ATP9B: variants seen among roughly 807,000 people sequenced by gnomAD.
ATP9B encodes ATPase phospholipid transporting 9B, also known as probable phospholipid-transporting ATPase IIB.
In ATP9B, 110 loss-of-function variants were observed where a neutral mutation model predicts 146.1. The ratio of observed to expected loss-of-function variants is 0.75; its 90% CI spans 0.65 to 0.88. ATP9B has a LOEUF of 0.88. Among genes scored for constraint, ATP9B ranks in the 40% least tolerant of loss-of-function variants. The probability of loss-of-function intolerance (pLI) is 0.00; values close to 1 mark genes in which losing one functional copy is unlikely to be tolerated. For missense variants in ATP9B, 1,499 were observed against 1,496.4 expected (o/e 1.00, Z -0.03); for synonymous variants, 604 against 569.7 (o/e 1.06, Z -0.86).
intron 1 of ATP9B, among the ~76,000 whole-genome samples, chr18:79,081,358 G>T (rs1251744607): frequency 1.3e-5 from 2 of 152,098 alleles, no homozygotes; most frequent in Admixed American, 6.5e-5. Context: ...GAGGGTATAT[G>T]TGTCCAGGAA....
At chr18:79,369,871 G>A (rs1230924639) in intron 26 of ATP9B, among the ~76,000 whole-genome samples, 2 of 152,226 alleles carry the variant, frequency 1.3e-5, no homozygotes, top group Non-Finnish European at 2.9e-5. Context: ...GGCCGAAGCA[G>A]ACAGATCACC....
chr18:79,138,774 TAAA>T (rs796077711), intron 5 of ATP9B, among the ~76,000 whole-genome samples: 2 of 139,736 alleles, frequency 1.4e-5, no homozygotes, highest in Admixed American at 7.2e-5. Flanking sequence ...GTTCTTACAT[TAAA>T]AAAAAAAAAA....
chr18:79,236,570 C>G (rs1040114686), intron 11 of ATP9B, among the ~76,000 whole-genome samples: 2 of 152,188 alleles, frequency 1.3e-5, no homozygotes, highest in African/African-American at 4.8e-5. Context: ...CTTTCTGTTA[C>G]ATTTCTAAAC....
intron 12 of ATP9B, among the ~76,000 whole-genome samples, chr18:79,261,269 T>C (rs1377305306): frequency 6.6e-6 from 1 of 152,166 alleles, no homozygotes; most frequent in East Asian, 1.9e-4. Context: ...CCCCAGAACA[T>C]GTGCCCATAT....
chr18:79,322,491 T>G lies in ATP9B; in HGVS notation c.1774-6650T>G, dbSNP rs187138591. Among the ~76,000 whole-genome samples, 466 of 152,300 alleles carry G rather than the reference T, an allele frequency of 3.1e-3. 6 individuals are homozygous for G. Among genetic ancestry groups the G allele is most frequent in the Non-Finnish European group, 9.0e-4 (61 of 68,016 alleles). On this transcript the variant is annotated intron_variant, in intron 15 of 29. Coordinates refer to ENST00000426216, the MANE Select transcript of ATP9B (RefSeq NM_198531.5). The stretch of plus-strand genomic sequence containing the variant: ...CAGTAGGAGAGGGTTCTGACCCGGA[T>G]TCCACCCCAGGCAGGGGCAGTGGGG...
At position 79,239,720 on chromosome 18, in the gene ATP9B, T is replaced by A. The variant is rs959756201; in HGVS notation, c.1108-13661T>A. ...TCTTTTATCATGTAAATTTCTTTCA[T>A]GTAAGTTACATGATAGTCCTTTAGG... On this transcript the variant is annotated intron_variant, in intron 11 of 29. Coordinates refer to ENST00000426216, the MANE Select transcript of ATP9B (RefSeq NM_198531.5). This position sits in a 1 kb window ranked among gnomAD's most constrained non-coding sequence, Gnocchi z 5.1. 1.3e-5 allele frequency among the ~76,000 whole-genome samples: 2 copies of A among 152,236 alleles called. No individual in the cohort carries two copies. The highest frequency in any genetic ancestry group is 4.8e-5 in the African/African-American group (2 of 41,454).
At chr18:79,192,024 T>C (rs997970878) in intron 8 of ATP9B, among the ~76,000 whole-genome samples, 1 of 152,162 alleles carries the variant, frequency 6.6e-6, no homozygotes, top group Non-Finnish European at 1.5e-5. Flanking sequence ...TTTCTGGCAT[T>C]AGGGAGCTGC....
intron 15 of ATP9B, among the ~76,000 whole-genome samples, chr18:79,328,035 C>T (rs1011010626): frequency 2.0e-4 from 28 of 141,980 alleles, no homozygotes; most frequent in African/African-American, 5.2e-4. Context: ...GCGTGCTCTC[C>T]GTGGTTAGCG....
At position 79,337,431 on chromosome 18, in the gene ATP9B, G is replaced by A. The variant is rs2096833711; in HGVS notation, c.2265G>A (p.Leu755=). ...QADVRPTLEM[L]RNAGIKIWML... Reference sequence around the variant, plus strand: ...ACGTGCGGCCCACGCTGGAGATGCTGCGCAACGCCGGGATCAAGGTACTGC... The same window carrying A: ...ACGTGCGGCCCACGCTGGAGATGCTACGCAACGCCGGGATCAAGGTACTGC... The change falls in exon 19 of 30, where the codon CTG becomes CTA. Residue 755 remains leucine (L), a synonymous_variant. Coordinates refer to ENST00000426216, the MANE Select transcript of ATP9B (RefSeq NM_198531.5). 3 of 1,611,786 alleles carry A rather than the reference G, an allele frequency of 1.9e-6. No homozygotes were observed. The highest frequency in any genetic ancestry group is 2.2e-5 in the South Asian group (2 of 91,028).
At chr18:79,233,047 T>C (rs2095806799) in intron 11 of ATP9B, among the ~76,000 whole-genome samples, 1 of 152,084 alleles carries the variant, frequency 6.6e-6, no homozygotes, top group Non-Finnish European at 1.5e-5. Context: ...ATCTCAGCAC[T>C]TTGGGAGTTC....
chr18:79,227,739 C>T (rs977417957), intron 11 of ATP9B, among the ~76,000 whole-genome samples: 1 of 152,188 alleles, frequency 6.6e-6, no homozygotes, highest in Non-Finnish European at 1.5e-5. Flanking sequence ...TGGGCTCCAG[C>T]CCAGCACTTG....
intron 13 of ATP9B, among the ~76,000 whole-genome samples, chr18:79,290,384 A>G (rs1046243599): frequency 9.2e-5 from 14 of 152,306 alleles, no homozygotes; most frequent in African/African-American, 3.4e-4. Context: ...TGTGCTAGCA[A>G]TCAGCGAGAC....
chr18:79,319,142 C>T (rs1363377138), intron 15 of ATP9B, among the ~76,000 whole-genome samples: 1 of 152,134 alleles, frequency 6.6e-6, no homozygotes, highest in African/African-American at 2.4e-5. Flanking sequence ...TGGAAGGAAG[C>T]AAGAAAGGGC....
At chr18:79,359,856 G>A (rs2147829959) in intron 26 of ATP9B, 1 of 226,146 alleles carries the variant, frequency 4.4e-6, no homozygotes, top group Middle Eastern at 1.9e-3. Context: ...TGCAGAAATA[G>A]CATTCCAAAG....
chr18:79,155,747 T>C (rs1013304750), intron 7 of ATP9B, among the ~76,000 whole-genome samples: 11 of 144,640 alleles, frequency 7.6e-5, no homozygotes, highest in Non-Finnish European at 1.2e-4. Context: ...GAAACATGTT[T>C]TCTCTCTTTT....
At chr18:79,289,611 T>G (rs190971818) in intron 13 of ATP9B, among the ~76,000 whole-genome samples, 1 of 152,232 alleles carries the variant, frequency 6.6e-6, no homozygotes, top group African/African-American at 2.4e-5. Flanking sequence ...TTCTCTCAAC[T>G]CGTCAAAGTC....
chr18:79,364,969 G>T (rs1197375764), intron 26 of ATP9B, among the ~76,000 whole-genome samples: 6 of 152,078 alleles, frequency 3.9e-5, no homozygotes, highest in Non-Finnish European at 7.4e-5. Flanking sequence ...GTTGGAGGCT[G>T]CAGTGAGCTG....
At chr18:79,246,499 C>T (rs1269387089) in intron 11 of ATP9B, among the ~76,000 whole-genome samples, 4 of 152,158 alleles carry the variant, frequency 2.6e-5, no homozygotes, top group South Asian at 2.1e-4. Context: ...CCCTTCCTAC[C>T]CCCCATAATC....
At chr18:79,124,646 C>T (rs577645871) in intron 4 of ATP9B, among the ~76,000 whole-genome samples, 24 of 152,294 alleles carry the variant, frequency 1.6e-4, no homozygotes, top group African/African-American at 4.6e-4. Flanking sequence ...CTCATAGTTC[C>T]CTGGTGTTGA....
Sources: allele counts gnomAD v4.1 joint callset (sites outside exome capture counted in the v4.1 genomes callset), GRCh38; gene constraint gnomAD v4.1.1; non-coding constraint Gnocchi (gnomAD v3.1); transcripts MANE v1.5; gene names NCBI Gene and HGNC (gene_info 2026-07-23, HGNC 2026-07-21).